ZNF608: variants seen among roughly 807,000 people sequenced by gnomAD.
The protein encoded by ZNF608 is renal carcinoma antigen NY-REN-36.
ZNF608 carries 12 observed loss-of-function variants against 109.0 expected under a neutral mutation model. The ratio of observed to expected loss-of-function variants is 0.11; its 90% CI spans 0.07 to 0.18. ZNF608 has a LOEUF of 0.18. ZNF608 is among the 10% of genes least tolerant of loss of function. The pLI is 1.00. For synonymous variants in ZNF608, 732 were observed against 717.4 expected (o/e 1.02, Z -0.33); for missense variants, 1,707 against 1,879.3 (o/e 0.91, Z 1.70).
chr5:124,736,745 G>A lies in ZNF608; in HGVS notation c.906+7339C>T, dbSNP rs181455464. ...TGCTTTTCCTAAGAAACTAAACCAG[G>A]AGTTTTCTTTAATCAAAAGGACAAA... On this transcript the variant is annotated intron_variant, in intron 2 of 9. Coordinates refer to ENST00000513986, the MANE Select transcript of ZNF608 (RefSeq NM_020747.3). 1.7e-3 allele frequency among the ~76,000 whole-genome samples: 264 copies of A among 152,314 alleles called. 1 individual carries two copies. Among genetic ancestry groups the A allele is most frequent in the Non-Finnish European group, 3.1e-3 (212 of 68,028 alleles).
chr5:124,644,631 C>T lies in ZNF608; in HGVS notation c.3736G>A (p.Val1246Ile), dbSNP rs148311176. ...TGATCCAGATATTTGGGCTGGTATA[C>T]ATAATGATGCCATGTTCTTGAATCT... ...DPDSRTWHHY[V>I]YQPKYLDQQK... Residue 1246 changes from valine (V) to isoleucine (I), a missense_variant, in exon 6 of 10, where the codon GTA (valine) becomes ATA (isoleucine). Transcript: ENST00000513986. 60 of 1,572,228 alleles carry T rather than the reference C, an allele frequency of 3.8e-5. No homozygotes were observed. The highest frequency in any genetic ancestry group is 3.3e-4 in the African/African-American group (24 of 73,190).
At chr5:124,709,257 G>T (rs944804033) in intron 2 of ZNF608, among the ~76,000 whole-genome samples, 2 of 149,304 alleles carry the variant, frequency 1.3e-5, no homozygotes, top group Non-Finnish European at 3.0e-5. Flanking sequence ...CTGACTCTTC[G>T]TGTCTGACTG....
At chr5:124,662,633 T>G (rs1481690144) in intron 3 of ZNF608, among the ~76,000 whole-genome samples, 1 of 152,270 alleles carries the variant, frequency 6.6e-6, no homozygotes, top group Non-Finnish European at 1.5e-5. Context: ...CAGTCTTTAT[T>G]GACTCTGACC....
chr5:124,643,787 T>C, intron 6 of ZNF608, 104 bp from the exon 7 acceptor site: 1 of 1,154,138 alleles, frequency 8.7e-7, no homozygotes, highest in South Asian at 1.6e-5. Context: ...GATCTTAAAA[T>C]AGGGGGTTAC....
In ZNF608 at chr5:124,695,990, C is replaced by T. The variant is rs193158942; in HGVS notation, c.1162+5024G>A. ...CCTGAGGTCAGGAGTTCGAGACCAG[C>T]CTGACCAACATGGAGAAACCCCGTC... On this transcript the variant is annotated intron_variant, in intron 3 of 9. Coordinates refer to ENST00000513986, the MANE Select transcript of ZNF608 (RefSeq NM_020747.3). Among the ~76,000 whole-genome samples, 1,337 of 152,154 alleles carry T rather than the reference C, an allele frequency of 8.8e-3. 33 individuals are homozygous for T. Among genetic ancestry groups the T allele is most frequent in the African/African-American group, 0.03 (1,252 of 41,520 alleles).
chr5:124,650,009 C>T lies in ZNF608; in HGVS notation c.1163-312G>A, dbSNP rs1333577949. ...GCCATGTCCTGCTGTAAAACAGCAA[C>T]ACTCACCTCTTAATTTTTCTATTAT... On this transcript the variant is annotated intron_variant, in intron 3 of 9. Transcript: ENST00000513986. 2.6e-5 allele frequency among the ~76,000 whole-genome samples: 4 copies of T among 152,352 alleles called. 1 individual carries two copies. The South Asian group carries it at 8.3e-4, about 32-fold the overall frequency.
intron 3 of ZNF608, 53 bp from the exon 4 acceptor site, chr5:124,649,750 T>C (rs75922295): frequency 0.2 from 223,153 of 1,137,162 alleles, 24,443 homozygotes; most frequent in Non-Finnish European, 0.22. Flanking sequence ...ATTACTGTTA[T>C]TTCCAGTTCA....
chr5:124,705,580 A>G (rs1753227273), intron 2 of ZNF608, among the ~76,000 whole-genome samples: 1 of 152,182 alleles, frequency 6.6e-6, no homozygotes, highest in East Asian at 1.9e-4. Context: ...GCTCCTTTTT[A>G]TATCCTACTA....
intron 2 of ZNF608, among the ~76,000 whole-genome samples, chr5:124,712,997 G>A (rs192941200): frequency 6.0e-4 from 92 of 152,196 alleles, no homozygotes; most frequent in African/African-American, 1.9e-3. Flanking sequence ...TTCATTTCAG[G>A]AAGCTAAATA....
At chr5:124,641,453 C>G in intron 7 of ZNF608, 48 bp from the exon 8 acceptor site, 2 of 1,562,480 alleles carry the variant, frequency 1.3e-6, no homozygotes, top group South Asian at 1.2e-5. Flanking sequence ...TGAAAATCAA[C>G]TTTTAAGAGT....
At chr5:124,687,426 G>A (rs1465668159) in intron 3 of ZNF608, among the ~76,000 whole-genome samples, 1 of 151,934 alleles carries the variant, frequency 6.6e-6, no homozygotes, top group Non-Finnish European at 1.5e-5. Flanking sequence ...CTCAAATACT[G>A]TGAAAGAGTC....
intron 3 of ZNF608, among the ~76,000 whole-genome samples, chr5:124,689,593 A>C (rs1373920234): frequency 6.6e-6 from 1 of 152,234 alleles, no homozygotes; most frequent in Non-Finnish European, 1.5e-5. Context: ...AAAAACCTTA[A>C]CAGTCAGCTC....
intron 2 of ZNF608, among the ~76,000 whole-genome samples, chr5:124,723,957 T>C (rs1036838309): frequency 1.7e-4 from 26 of 152,048 alleles, no homozygotes; most frequent in African/African-American, 6.0e-4. Flanking sequence ...CTTGTACCCA[T>C]GAAAAATGCA....
At position 124,643,754 on chromosome 5, in the gene ZNF608, G is replaced by C; in HGVS notation, c.4124-71C>G. 2.6e-6 allele frequency: 4 copies of C among 1,514,892 alleles called. No individual in the cohort carries two copies. In the Admixed American group the frequency reaches 7.5e-5, roughly 28 times the overall value. The allele number at this position is 1,514,892 out of a possible 1,614,324, so 93.8% of individuals were successfully genotyped here. A position where few individuals can be genotyped will look rare whatever the true frequency, so the allele number is the denominator to read the frequency against. On this transcript the variant is annotated intron_variant, in intron 6 of 9. Transcript: ENST00000513986. ...TTAAAAAAAATCATTTGGGTTACATGAATTTGGGATAAGAGTCAAAGAGAT... is the reference window on the plus strand; with the variant it reads ...TTAAAAAAAATCATTTGGGTTACATCAATTTGGGATAAGAGTCAAAGAGAT...
chr5:124,655,502 C>T (rs939172750), intron 3 of ZNF608, among the ~76,000 whole-genome samples: 4 of 152,098 alleles, frequency 2.6e-5, no homozygotes, highest in Non-Finnish European at 5.9e-5. Flanking sequence ...AAACCTCATT[C>T]GAATAACACC....
At chr5:124,675,425 C>CA (rs1159605669) in intron 3 of ZNF608, among the ~76,000 whole-genome samples, 3 of 152,124 alleles carry the variant, frequency 2.0e-5, no homozygotes, top group Admixed American at 6.5e-5. Context: ...GGAAAATTTA[C>CA]AAAAAACACT....
chr5:124,638,931 A>C, intron 9 of ZNF608: 1 of 778,214 alleles, frequency 1.3e-6, no homozygotes, highest in African/African-American at 1.8e-5. Context: ...GTTAATTACT[A>C]ATCTATGTAA....
At chr5:124,686,378 C>T (rs1752412564) in intron 3 of ZNF608, among the ~76,000 whole-genome samples, 1 of 152,160 alleles carries the variant, frequency 6.6e-6, no homozygotes. Context: ...TCTATGGCCT[C>T]CTAATGTGTC....
chr5:124,743,282 T>G (rs1749493561), intron 2 of ZNF608, among the ~76,000 whole-genome samples: 1 of 152,216 alleles, frequency 6.6e-6, no homozygotes, highest in South Asian at 2.1e-4. Context: ...TTTTCACATT[T>G]CACGAGTATC....
Sources: gnomAD v4.1 joint callset for allele counts (sites outside exome capture counted in the v4.1 genomes callset) on GRCh38, gnomAD v4.1.1 for gene constraint, MANE v1.5 for transcripts, NCBI Gene and HGNC (gene_info 2026-07-23, HGNC 2026-07-21) for gene names.